The following MED9 variants were observed in gnomAD, a reference collection of about 807,000 sequenced individuals.
The protein encoded by MED9 is mediator of RNA polymerase II transcription subunit 9.
Under a neutral mutation model 13.2 loss-of-function variants are expected in MED9, and 8 were observed. The observed-to-expected ratio is 0.61, with a 90% CI of 0.36 to 1.10. MED9 has a LOEUF of 1.10. MED9 is among the 50% of genes least tolerant of loss of function. The probability of loss-of-function intolerance (pLI) is 0.02; values close to 1 mark genes in which losing one functional copy is unlikely to be tolerated. For synonymous variants in MED9, 87 were observed against 82.8 expected (o/e 1.05, Z -0.28); for missense variants, 180 against 193.4 (o/e 0.93, Z 0.41).
At chr17:17,489,708 C>T (rs1366916564) in intron 1 of MED9, among the ~76,000 whole-genome samples, 1 of 152,202 alleles carries the variant, frequency 6.6e-6, no homozygotes, top group Non-Finnish European at 1.5e-5. Flanking sequence ...TTCATCCTCT[C>T]TAGAATCTGC....
rs1038359375 is a variant in MED9 at position 17,477,074 on chromosome 17, G to A, written c.33G>A (p.Gln11=). The A allele has an allele frequency of 6.2e-7, 1 of 1,607,132 alleles. No homozygotes were observed. Among genetic ancestry groups the A allele is most frequent in the Non-Finnish European group, 8.5e-7 (1 of 1,179,662 alleles). MASAGVAAGR[Q]AEDVLPPTSD... ...CTGCTGGGGTGGCAGCCGGGCGACAGGCGGAGGATGTATTGCCGCCAACGT... is the reference window on the plus strand; with the variant it reads ...CTGCTGGGGTGGCAGCCGGGCGACAAGCGGAGGATGTATTGCCGCCAACGT... The change falls in exon 1 of 2, where the codon CAG becomes CAA. Residue 11 remains glutamine, a synonymous_variant. Transcript: ENST00000268711.
intron 1 of MED9, among the ~76,000 whole-genome samples, chr17:17,488,990 G>A (rs935407705): frequency 3.9e-5 from 6 of 152,152 alleles, no homozygotes; most frequent in African/African-American, 1.4e-4. Context: ...ACAAAGGTAG[G>A]CCCACTTAGA....
chr17:17,477,389 AC>A, intron 1 of MED9, 124 bp downstream of exon 1: 1 of 1,127,904 alleles, frequency 8.9e-7, no homozygotes, highest in African/African-American at 1.6e-5. Context: ...GGAAACTCAG[AC>A]CCAGAGCGGG....
chr17:17,485,193 A>C, intron 1 of MED9: 1 of 375,244 alleles, frequency 2.7e-6, no homozygotes, highest in Non-Finnish European at 4.7e-6. Flanking sequence ...AACAAAACAA[A>C]AAAAAATTGT....
At chr17:17,486,659 GC>G in intron 1 of MED9, 2 of 156,996 alleles carry the variant, frequency 1.3e-5, no homozygotes, top group Non-Finnish European at 2.8e-5. Flanking sequence ...CTCCTGTGCG[GC>G]CCCAGCCTCC....
chr17:17,487,671 C>A, intron 1 of MED9: 1 of 177,330 alleles, frequency 5.6e-6, no homozygotes, highest in Non-Finnish European at 1.1e-5. Flanking sequence ...TCCGTGGCCT[C>A]ATTCTTGAAG....
intron 1 of MED9, among the ~76,000 whole-genome samples, chr17:17,490,671 C>T (rs1430041385): frequency 6.6e-6 from 1 of 152,166 alleles, no homozygotes; most frequent in Non-Finnish European, 1.5e-5. Context: ...TCCATTTTAA[C>T]TAATCTAACA....
chr17:17,479,323 C>T (rs143303515), intron 1 of MED9, among the ~76,000 whole-genome samples: 21 of 152,260 alleles, frequency 1.4e-4, no homozygotes, highest in Non-Finnish European at 2.1e-4. Flanking sequence ...CAGATTATGT[C>T]ATAGCTCTAT....
chr17:17,479,519 T>TAAA (rs35147742), intron 1 of MED9, among the ~76,000 whole-genome samples: 6 of 145,076 alleles, frequency 4.1e-5, no homozygotes, highest in Middle Eastern at 7.1e-3. Flanking sequence ...GAAGGGAGTT[T>TAAA]AAAAAAAAAA....
rs943613775 is a variant in MED9, at chr17:17,493,127, G to C, written c.*1632G>C. 2 of 152,238 alleles carry C rather than the reference G, an allele frequency of 1.3e-5. No individual in the cohort carries two copies. The highest frequency in any genetic ancestry group is 2.4e-5 in the African/African-American group (1 of 41,458). 9.4% of individuals were successfully genotyped at this position (152,238 alleles called of 1,614,324 possible). ...AAATGGACAAGGGCTCCTCACGGGG[G>C]TGGAGGGAGCCGGAGCCTGCCTTGT... On this transcript the variant is annotated 3_prime_UTR_variant, in exon 2 of 2. Transcript: ENST00000268711.
chr17:17,485,222 G>A lies in MED9; in HGVS notation c.225-6057G>A. The A allele has an allele frequency of 7.6e-6, 3 of 393,450 alleles. No homozygotes were observed. The Admixed American group carries it at 1.3e-4, about 17-fold the overall frequency. 24.4% of individuals were successfully genotyped at this position (393,450 alleles called of 1,614,324 possible). ...AAATTGTATTTTTAGTAGAGACAGG[G>A]TTTCGTCTCTGTCTACAGGCACACG... On this transcript the variant is annotated intron_variant, in intron 1 of 1. Transcript: ENST00000268711.
rs561437102 is a variant in MED9, at chr17:17,477,362, C to G, written c.224+97C>G. 8 of 1,330,468 alleles carry G rather than the reference C, an allele frequency of 6.0e-6. No individual in the cohort carries two copies. In the African/African-American group the frequency reaches 1.0e-4, roughly 17 times the overall value. 82.4% of individuals were successfully genotyped at this position (1,330,468 alleles called of 1,614,324 possible). A position where few individuals can be genotyped will look rare whatever the true frequency, so the allele number is the denominator to read the frequency against. On this transcript the variant is annotated intron_variant, in intron 1 of 1. Transcript: ENST00000268711. ...GAGGCCTTGGCGCTCTGGGGCACGC[C>G]CCCGTTTCACAGATGGGGAAACTCA...
intron 1 of MED9, 129 bp from the exon 2 acceptor site, chr17:17,491,150 G>T: frequency 3.4e-6 from 3 of 878,254 alleles, no homozygotes; most frequent in South Asian, 1.5e-5. Flanking sequence ...CCTAGTCAGG[G>T]GATAGACACA....
At position 17,491,287 on chromosome 17, in the gene MED9, A is replaced by G; in HGVS notation, c.233A>G (p.Lys78Arg). 1 of 1,613,196 alleles carries G rather than the reference A, an allele frequency of 6.2e-7. No homozygotes were observed. The highest frequency in any genetic ancestry group is 8.5e-7 in the Non-Finnish European group (1 of 1,179,856). The change falls in exon 2 of 2, where the codon AAG (lysine) becomes AGG (arginine). Residue 78 changes from lysine to arginine, a missense_variant. Physicochemically the swap from Lys to Arg is conservative, Grantham distance 26 (BLOSUM62 2). Coordinates refer to ENST00000268711, the MANE Select transcript of MED9 (RefSeq NM_018019.3). ...LVHNIIKCMD[K>R]DSPEVHQDLN... The stretch of plus-strand genomic sequence containing the variant: ...CTGTTCTTCCCCCACAGCATGGACA[A>G]GGACAGCCCGGAGGTCCACCAGGAC...
intron 1 of MED9, chr17:17,487,872 G>A (rs1905165395): frequency 6.6e-6 from 1 of 152,266 alleles, no homozygotes; most frequent in Non-Finnish European, 1.5e-5. Context: ...GCAAGAATGA[G>A]AACTATGGAT....
At chr17:17,481,829 G>T (rs565608423) in intron 1 of MED9, among the ~76,000 whole-genome samples, 3 of 152,202 alleles carry the variant, frequency 2.0e-5, no homozygotes, top group Non-Finnish European at 4.4e-5. Context: ...GGGGCATAGG[G>T]TACAAACATT....
intron 1 of MED9, chr17:17,477,680 C>T (rs73292342): frequency 4.3e-5 from 7 of 161,958 alleles, no homozygotes; most frequent in African/African-American, 7.2e-5. Flanking sequence ...ACGGGATGGA[C>T]GCAGTAAAAG....
rs980515876 is a variant in MED9, at chr17:17,491,718, A to T, written c.*223A>T. On this transcript the variant is annotated 3_prime_UTR_variant, in exon 2 of 2. Coordinates refer to ENST00000268711, the MANE Select transcript of MED9 (RefSeq NM_018019.3). The stretch of plus-strand genomic sequence containing the variant: ...CGTGTAGATCCATATGTCTAGATGC[A>T]TAATAACTGGAGTGCCTGCTGGTGG... 9.3e-6 allele frequency: 5 copies of T among 538,992 alleles called. No individual in the cohort carries two copies. The African/African-American group carries it at 1.0e-4, about 11-fold the overall frequency. 33.4% of individuals were successfully genotyped at this position (538,992 alleles called of 1,614,324 possible).
chr17:17,486,900 G>A (rs1905141721), intron 1 of MED9: 1 of 151,872 alleles, frequency 6.6e-6, no homozygotes, highest in Admixed American at 6.6e-5. Flanking sequence ...TTAGCTCAAG[G>A]TTTGTGAGTG....
Sources: allele counts gnomAD v4.1 joint callset (sites outside exome capture counted in the v4.1 genomes callset), GRCh38; gene constraint gnomAD v4.1.1; transcripts MANE v1.5; gene names NCBI Gene and HGNC (gene_info 2026-07-23, HGNC 2026-07-21).